MYO18B: variants seen among roughly 807,000 people sequenced by gnomAD.
MYO18B encodes myosin XVIIIB, also known as unconventional myosin-XVIIIb.
Under a neutral mutation model 273.0 loss-of-function variants are expected in MYO18B, and 204 were observed. The ratio of observed to expected loss-of-function variants is 0.75; its 90% confidence interval spans 0.67 to 0.84. The LOEUF (loss-of-function observed/expected upper bound fraction) is 0.84, where lower values mean the gene tolerates loss of function less well. MYO18B is among the 40% of genes least tolerant of loss of function. The pLI, the probability that MYO18B is intolerant of heterozygous loss-of-function variation, is 0.00. For missense variants in MYO18B, 3,212 were observed against 3,287.6 expected (o/e 0.98, Z 0.56); for synonymous variants, 1,330 against 1,305.7 (o/e 1.02, Z -0.40).
chr22:26,044,828 A>G, the MYO18B span, among the ~76,000 whole-genome samples: 1 of 152,180 alleles, frequency 6.6e-6, no homozygotes, highest in African/African-American at 2.4e-5. Context: ...GGTACAATGC[A>G]AATATTCAAG....
downstream of MYO18B, among the ~76,000 whole-genome samples, chr22:26,033,265 C>T (rs1021269046): frequency 9.2e-5 from 14 of 152,148 alleles, no homozygotes; most frequent in Admixed American, 7.9e-4. Flanking sequence ...TGCCTGGCAC[C>T]GTTCCCCACA....
At chr22:25,837,705 G>A (rs117878380) in intron 17 of MYO18B, among the ~76,000 whole-genome samples, 5,873 of 152,222 alleles carry the variant, frequency 0.039, 160 homozygotes, top group East Asian at 0.11. Context: ...AGCAGCAACA[G>A]CATCTGATGC....
chr22:25,807,554 C>T (rs976560107), intron 12 of MYO18B, among the ~76,000 whole-genome samples: 7 of 152,116 alleles, frequency 4.6e-5, no homozygotes, highest in African/African-American at 1.4e-4. Context: ...CTGGAATAGC[C>T]CATTTCCCAG....
chr22:25,754,224 C>T (rs1269084375), intron 1 of MYO18B, among the ~76,000 whole-genome samples: 2 of 152,008 alleles, frequency 1.3e-5, no homozygotes, highest in Non-Finnish European at 2.9e-5. Flanking sequence ...CTTTAGGTGA[C>T]GATGTGAGCC....
At position 25,826,451 on chromosome 22, in the gene MYO18B, C is replaced by T. The variant is rs780969505; in HGVS notation, c.2738C>T (p.Ser913Leu). The T allele has an allele frequency of 3.2e-5, 52 of 1,613,660 alleles. No individual in the cohort carries two copies. The highest frequency in any genetic ancestry group is 5.5e-5 in the South Asian group (5 of 91,070). ...GTGGACTGTGTGGAGGGGATGGCCTCGGGCCTGTACCAGGAACTCTTTGCG... is the reference window on the plus strand; with the variant it reads ...GTGGACTGTGTGGAGGGGATGGCCTTGGGCCTGTACCAGGAACTCTTTGCG... The part of the protein sequence containing the change: ...TGVDCVEGMA[S>L]GLYQELFAAV... Residue 913 changes from serine to leucine, a missense_variant, in exon 14 of 44, where the codon TCG becomes TTG. Physicochemically the swap from Ser to Leu is moderately radical, Grantham distance 145. Transcript: ENST00000335473.
chr22:25,791,571 G>A (rs751747072), intron 11 of MYO18B, among the ~76,000 whole-genome samples: 12 of 152,076 alleles, frequency 7.9e-5, no homozygotes, highest in African/African-American at 2.7e-4. Flanking sequence ...TATTATTTTC[G>A]TCTTCTCTAT....
intron 11 of MYO18B, among the ~76,000 whole-genome samples, chr22:25,792,315 T>C (rs1257057180): frequency 6.6e-6 from 1 of 151,880 alleles, no homozygotes; most frequent in Non-Finnish European, 1.5e-5. Context: ...GTGAACACTT[T>C]CTCTCCTCTC....
At chr22:25,780,688 G>A (rs2087112755) in intron 9 of MYO18B, among the ~76,000 whole-genome samples, 1 of 151,034 alleles carries the variant, frequency 6.6e-6, no homozygotes, top group African/African-American at 2.4e-5. Context: ...TCCCCTAGCT[G>A]GGGCCAGTTG....
In MYO18B at chr22:25,989,951, C is replaced by T. The variant is rs114537111; in HGVS notation, c.6157-2412C>T. On this transcript the variant is annotated intron_variant, in intron 39 of 43. Transcript: ENST00000335473. ...TCCTCTGACAGCCTGGGGGCCCCAA[C>T]CTCGGGTTGTCTCTCACCTTGTCAA... Among the ~76,000 whole-genome samples, 272 of 152,286 alleles carry T rather than the reference C, an allele frequency of 1.8e-3. 2 individuals carry two copies. The highest frequency in any genetic ancestry group is 0.01 in the Middle Eastern group (3 of 294).
Position 25,955,170 on chromosome 22 carries a change from C to A in MYO18B, c.5971-9C>A. 6.3e-7 allele frequency: 1 copy of A among 1,590,934 alleles called. No homozygotes were observed. Among genetic ancestry groups the A allele is most frequent in the Non-Finnish European group, 8.6e-7 (1 of 1,167,066 alleles). Reference sequence around the variant, plus strand: ...CTCCAAGGTGGGCATGTGTCTCTGCCCCTCCCAGGTCCTGGTGATCCGGCT... The same window carrying A: ...CTCCAAGGTGGGCATGTGTCTCTGCACCTCCCAGGTCCTGGTGATCCGGCT... On this transcript the variant is annotated splice_polypyrimidine_tract_variant and intron_variant, in intron 38 of 43. Coordinates refer to ENST00000335473, the MANE Select transcript of MYO18B (RefSeq NM_032608.7).
chr22:25,799,398 G>A (rs1374256260), intron 12 of MYO18B, among the ~76,000 whole-genome samples: 1 of 152,118 alleles, frequency 6.6e-6, no homozygotes, highest in African/African-American at 2.4e-5. Flanking sequence ...AGAAGGTTCT[G>A]GGGAGAGAGT....
chr22:25,772,632 G>T, intron 7 of MYO18B, 122 bp downstream of exon 7: 1 of 1,002,962 alleles, frequency 1.0e-6, no homozygotes, highest in Non-Finnish European at 1.4e-6. Flanking sequence ...TCTGCAAGCA[G>T]CATCCTTCTC....
intron 25 of MYO18B, among the ~76,000 whole-genome samples, chr22:25,886,872 G>T (rs935084280): frequency 3.3e-5 from 5 of 152,160 alleles, no homozygotes; most frequent in African/African-American, 1.2e-4. Flanking sequence ...CAACTCCCCA[G>T]TTTCCTGTTC....
intron 31 of MYO18B, among the ~76,000 whole-genome samples, chr22:25,907,242 A>G (rs564130581): frequency 3.3e-5 from 5 of 152,350 alleles, no homozygotes; most frequent in African/African-American, 1.2e-4. Context: ...GAAGTCTTGA[A>G]CTAGACCTAG....
intron 1 of MYO18B, among the ~76,000 whole-genome samples, chr22:25,746,592 G>A (rs2085786135): frequency 6.6e-6 from 1 of 152,188 alleles, no homozygotes; most frequent in South Asian, 2.1e-4. Flanking sequence ...AATGTCCATT[G>A]GCAGGCACAA....
At chr22:25,890,699 A>G in intron 25 of MYO18B, 57 bp from the exon 26 acceptor site, 1 of 1,598,076 alleles carries the variant, frequency 6.3e-7, no homozygotes, top group South Asian at 1.1e-5. Flanking sequence ...ATGGGGAGAG[A>G]AGGGTTGGTG....
intron 1 of MYO18B, among the ~76,000 whole-genome samples, chr22:25,755,765 C>A (rs576561676): frequency 2.6e-4 from 40 of 152,284 alleles, no homozygotes; most frequent in Non-Finnish European, 5.6e-4. Flanking sequence ...GTCTCTCGCT[C>A]CCTCTCTCAT....
chr22:25,982,062 G>C (rs1259244143), intron 39 of MYO18B, among the ~76,000 whole-genome samples: 1 of 152,180 alleles, frequency 6.6e-6, no homozygotes, highest in Non-Finnish European at 1.5e-5. Context: ...GAGGAAGAGA[G>C]AAAAGGGGGA....
chr22:25,947,054 T>C (rs1042694322), intron 35 of MYO18B, among the ~76,000 whole-genome samples: 2 of 152,214 alleles, frequency 1.3e-5, no homozygotes, highest in African/African-American at 2.4e-5. Flanking sequence ...GGCAAATGCT[T>C]ATCTCAAGAT....
Sources: gnomAD v4.1 joint callset for allele counts (sites outside exome capture counted in the v4.1 genomes callset) on GRCh38, gnomAD v4.1.1 for gene constraint, MANE v1.5 for transcripts, NCBI Gene and HGNC (gene_info 2026-07-23, HGNC 2026-07-21) for gene names.